The following KIAA1549L variants were observed in gnomAD, a reference collection of about 807,000 sequenced individuals.
KIAA1549L encodes the protein KIAA1549 like.
KIAA1549L carries 88 observed loss-of-function variants against 160.7 expected under a neutral mutation model. The observed-to-expected ratio is 0.55, with a 90% CI of 0.46 to 0.65. The LOEUF (loss-of-function observed/expected upper bound fraction) is 0.65, where lower values mean the gene tolerates loss of function less well. Among genes scored for constraint, KIAA1549L ranks in the 30% least tolerant of loss-of-function variants. KIAA1549L has a pLI of 0.00. For synonymous variants in KIAA1549L, 950 were observed against 976.7 expected (o/e 0.97, Z 0.51); for missense variants, 2,258 against 2,437.5 (o/e 0.93, Z 1.55).
chr11:33,532,773 C>T (rs1340774513), intron 1 of KIAA1549L, among the ~76,000 whole-genome samples: 3 of 152,300 alleles, frequency 2.0e-5, no homozygotes, highest in Non-Finnish European at 4.4e-5. Context: ...TCTTTAAGTG[C>T]TGCCGTTAAG....
intron 15 of KIAA1549L, among the ~76,000 whole-genome samples, chr11:33,618,175 A>G (rs183041678): frequency 6.6e-6 from 1 of 152,382 alleles, no homozygotes; most frequent in East Asian, 1.9e-4. Context: ...AACAAAGTCA[A>G]CAAAGGCAAG....
At chr11:33,469,071 G>C (rs1852121625) in intron 1 of KIAA1549L, among the ~76,000 whole-genome samples, 1 of 152,102 alleles carries the variant, frequency 6.6e-6, no homozygotes, top group Non-Finnish European at 1.5e-5. Flanking sequence ...AAATTCACCT[G>C]TTTAAAGTGT....
intron 16 of KIAA1549L, among the ~76,000 whole-genome samples, chr11:33,628,850 C>T (rs1281344193): frequency 6.6e-6 from 1 of 150,698 alleles, no homozygotes; most frequent in East Asian, 2.0e-4. Flanking sequence ...GGTTATTTTG[C>T]TTGTTAGTTC....
At chr11:33,477,195 A>C (rs1220151138) in intron 1 of KIAA1549L, among the ~76,000 whole-genome samples, 1 of 152,014 alleles carries the variant, frequency 6.6e-6, no homozygotes, top group African/African-American at 2.4e-5. Context: ...TCTCCAGAGG[A>C]GTCTCCCTGG....
intron 1 of KIAA1549L, among the ~76,000 whole-genome samples, chr11:33,429,718 T>C (rs1350477711): frequency 6.6e-6 from 1 of 152,138 alleles, no homozygotes; most frequent in East Asian, 1.9e-4. Flanking sequence ...AACGTCCCCC[T>C]CCTTCCATTG....
rs1158061205 is a variant in KIAA1549L at position 33,669,686 on chromosome 11, T to C, written c.*1532T>C. On this transcript the variant is annotated 3_prime_UTR_variant, in exon 21 of 21. Transcript: ENST00000658780. ...AGAAATTTAAAAGTTGAGAGAAGAC[T>C]AGAAATGGAACTGATTAGAAGGGGA... 6.6e-6 allele frequency: 1 copy of C among 152,242 alleles called. No homozygotes were observed. The highest frequency in any genetic ancestry group is 2.4e-5 in the African/African-American group (1 of 41,464). The allele number at this position is 152,242 out of a possible 1,614,324, so 9.4% of individuals were successfully genotyped here. A position where few individuals can be genotyped will look rare whatever the true frequency, so the allele number is the denominator to read the frequency against.
At chr11:33,635,013 C>T (rs1341533943) in intron 16 of KIAA1549L, among the ~76,000 whole-genome samples, 1 of 152,152 alleles carries the variant, frequency 6.6e-6, no homozygotes, top group Non-Finnish European at 1.5e-5. Flanking sequence ...AACCCCACTG[C>T]CTGTTCTGAG....
chr11:33,599,103 T>C, intron 13 of KIAA1549L, 156 bp downstream of exon 13: 3 of 768,894 alleles, frequency 3.9e-6, no homozygotes, highest in Non-Finnish European at 6.1e-6. Flanking sequence ...GGAGTCTGTA[T>C]GTACCCCTTG....
At chr11:33,563,815 G>A (rs560675075) in intron 8 of KIAA1549L, among the ~76,000 whole-genome samples, 2 of 152,124 alleles carry the variant, frequency 1.3e-5, no homozygotes, top group East Asian at 3.9e-4. Flanking sequence ...TTAACATGGA[G>A]ATATTCCTCC....
intron 1 of KIAA1549L, among the ~76,000 whole-genome samples, chr11:33,382,875 G>C (rs917296418): frequency 1.6e-4 from 24 of 152,206 alleles, no homozygotes; most frequent in African/African-American, 5.3e-4. Context: ...GGCTCTGAGG[G>C]GCTGGGATAC....
intron 1 of KIAA1549L, among the ~76,000 whole-genome samples, chr11:33,455,318 C>T (rs1851800947): frequency 6.6e-6 from 1 of 152,174 alleles, no homozygotes; most frequent in South Asian, 2.1e-4. Context: ...ATAAAGAATT[C>T]AGTGTCTCAG....
At chr11:33,637,679 T>C (rs539987395) in intron 16 of KIAA1549L, among the ~76,000 whole-genome samples, 92 of 152,342 alleles carry the variant, frequency 6.0e-4, no homozygotes, top group African/African-American at 2.2e-3. Context: ...GTTCCAGGTA[T>C]CTTTCCTGAG....
At chr11:33,419,220 G>T (rs993811884) in intron 1 of KIAA1549L, among the ~76,000 whole-genome samples, 1 of 152,092 alleles carries the variant, frequency 6.6e-6, no homozygotes, top group African/African-American at 2.4e-5. Flanking sequence ...TCTCAACTTA[G>T]AAATAAAATG....
intron 16 of KIAA1549L, among the ~76,000 whole-genome samples, chr11:33,631,093 C>T (rs1234435763): frequency 6.6e-6 from 1 of 152,190 alleles, no homozygotes; most frequent in East Asian, 1.9e-4. Flanking sequence ...CTGCCCAGTA[C>T]TGTCTCCATT....
chr11:33,470,199 G>C (rs550769391), intron 1 of KIAA1549L, among the ~76,000 whole-genome samples: 1 of 152,134 alleles, frequency 6.6e-6, no homozygotes, highest in Admixed American at 6.5e-5. Flanking sequence ...TGTATATGGT[G>C]TGAGGTAGGG....
chr11:33,609,301 G>A (rs1170684130), intron 14 of KIAA1549L, among the ~76,000 whole-genome samples: 2 of 152,230 alleles, frequency 1.3e-5, no homozygotes, highest in East Asian at 3.9e-4. Flanking sequence ...GCCTCTTCAG[G>A]AACTTGCTCT....
chr11:33,543,872 A>G lies in KIAA1549L; in HGVS notation c.2309A>G (p.Glu770Gly). The G allele has an allele frequency of 6.2e-7, 1 of 1,614,050 alleles. No individual in the cohort carries two copies. The highest frequency in any genetic ancestry group is 8.5e-7 in the Non-Finnish European group (1 of 1,179,894). ...KDTAGHSVTAEGFSIQDLVLG... is the reference protein window; with the variant it reads ...KDTAGHSVTAGGFSIQDLVLG... ...ACTGCTGGGCATTCAGTGACTGCAG[A>G]AGGGTTTAGTATTCAGGATCTAGTC... The change falls in exon 2 of 21, where the codon GAA (glutamate) becomes GGA (glycine). Residue 770 changes from glutamate to glycine, a missense_variant. Transcript: ENST00000658780.
chr11:33,444,146 C>T (rs1244353253), intron 1 of KIAA1549L, among the ~76,000 whole-genome samples: 1 of 152,106 alleles, frequency 6.6e-6, no homozygotes, highest in Non-Finnish European at 1.5e-5. Context: ...GTTTTTCTTT[C>T]AAAGCTATGA....
At chr11:33,584,465 C>T (rs1855746744) in intron 11 of KIAA1549L, among the ~76,000 whole-genome samples, 1 of 152,220 alleles carries the variant, frequency 6.6e-6, no homozygotes, top group African/African-American at 2.4e-5. Context: ...GCACCACTCA[C>T]CTCCAGTGAC....
Sources: gnomAD v4.1 joint callset for allele counts (sites outside exome capture counted in the v4.1 genomes callset) on GRCh38, gnomAD v4.1.1 for gene constraint, MANE v1.5 for transcripts, NCBI Gene and HGNC (gene_info 2026-07-23, HGNC 2026-07-21) for gene names.